The following ST6GALNAC3 variants were observed in gnomAD, a reference collection of about 807,000 sequenced individuals.
The protein encoded by ST6GALNAC3 is alpha-N-acetylgalactosaminide alpha-2,6-sialyltransferase 3.
Under a neutral mutation model 32.7 loss-of-function variants are expected in ST6GALNAC3, and 25 were observed. The observed-to-expected ratio is 0.76, with a 90% confidence interval of 0.56 to 1.07. ST6GALNAC3 has a LOEUF of 1.07. Among genes scored for constraint, ST6GALNAC3 ranks in the 50% least tolerant of loss-of-function variants. ST6GALNAC3 has a pLI of 0.00. For missense variants in ST6GALNAC3, 355 were observed against 382.4 expected, an observed-to-expected ratio of 0.93 and a Z score of 0.60; for synonymous variants, 129 against 133.1, an observed-to-expected ratio of 0.97 and a Z score of 0.21.
chr1:76,245,934 A>G (rs1394657373), intron 1 of ST6GALNAC3, among the ~76,000 whole-genome samples: 2 of 152,210 alleles, frequency 1.3e-5, no homozygotes, highest in African/African-American at 4.8e-5. Flanking sequence ...CACTTGCTCC[A>G]GAGCTGAGTT....
intron 3 of ST6GALNAC3, among the ~76,000 whole-genome samples, chr1:76,606,856 GTTT>G (rs545990475): frequency 5.2e-4 from 71 of 136,462 alleles, no homozygotes; most frequent in African/African-American, 1.9e-3. Flanking sequence ...AAATGTGTGG[GTTT>G]TTTTTTTTTT....
chr1:76,235,002 C>G (rs996257344), intron 1 of ST6GALNAC3, among the ~76,000 whole-genome samples: 4 of 152,186 alleles, frequency 2.6e-5, no homozygotes, highest in African/African-American at 9.6e-5. Context: ...TTCAGCTTCT[C>G]TACAGAGTCG....
intron 1 of ST6GALNAC3, among the ~76,000 whole-genome samples, chr1:76,157,984 G>A (rs1024814763): frequency 3.9e-5 from 6 of 152,144 alleles, no homozygotes; most frequent in African/African-American, 1.2e-4. Flanking sequence ...TGATGCTAGC[G>A]TCAACCCAAG....
chr1:76,566,229 A>G (rs1184083831), intron 3 of ST6GALNAC3, among the ~76,000 whole-genome samples: 1 of 152,182 alleles, frequency 6.6e-6, no homozygotes, highest in Non-Finnish European at 1.5e-5. Context: ...ATAGCTTTCA[A>G]AAGGAACTGA....
chr1:76,310,730 A>C (rs1332575622), intron 1 of ST6GALNAC3, among the ~76,000 whole-genome samples: 1 of 152,220 alleles, frequency 6.6e-6, no homozygotes, highest in Non-Finnish European at 1.5e-5. Context: ...GGTCTTTCAC[A>C]GAAAGTTATG....
chr1:76,518,115 CT>C (rs1298597007), intron 3 of ST6GALNAC3, among the ~76,000 whole-genome samples: 1 of 151,640 alleles, frequency 6.6e-6, no homozygotes, highest in Non-Finnish European at 1.5e-5. Flanking sequence ...CAACAGTGAA[CT>C]TGTTTATTTC....
At chr1:76,284,564 A>T (rs1659672086) in intron 1 of ST6GALNAC3, among the ~76,000 whole-genome samples, 1 of 152,210 alleles carries the variant, frequency 6.6e-6, no homozygotes, top group African/African-American at 2.4e-5. Flanking sequence ...AGTTTTGCTG[A>T]TAAAGAAGAA....
intron 3 of ST6GALNAC3, among the ~76,000 whole-genome samples, chr1:76,478,760 C>CTTTTTTTTT (rs397861238): frequency 1.3e-4 from 14 of 109,088 alleles, no homozygotes; most frequent in African/African-American, 1.5e-4. Flanking sequence ...TTTATTAATT[C>CTTTTTTTTT]TTTTTTTTTT....
rs144899255 is a variant in ST6GALNAC3 at position 76,447,986 on chromosome 1, C to T, written c.623+35569C>T. On this transcript the variant is annotated intron_variant, in intron 3 of 4. Coordinates refer to ENST00000328299, the MANE Select transcript of ST6GALNAC3 (RefSeq NM_152996.4). ...GCTGTGAGAAGAGCACCACCATCCT[C>T]CAGACCCCAGAATGGTAGATCCACC... 1.5e-3 allele frequency among the ~76,000 whole-genome samples: 234 copies of T among 152,242 alleles called. 2 individuals carry two copies. The highest frequency in any genetic ancestry group is 5.4e-3 in the African/African-American group (226 of 41,554).
intron 1 of ST6GALNAC3, among the ~76,000 whole-genome samples, chr1:76,290,647 C>G (rs1660031759): frequency 6.6e-6 from 1 of 152,134 alleles, no homozygotes; most frequent in Admixed American, 6.5e-5. Context: ...GAAGCCAGGT[C>G]TTTTTTGTTT....
rs1226721084 is a variant in ST6GALNAC3, at chr1:76,509,115, G to T, written c.623+96698G>T. Among the ~76,000 whole-genome samples the T allele has an allele frequency of 1.3e-5, 2 of 152,194 alleles. No individual in the cohort carries two copies. The highest frequency in any genetic ancestry group is 1.9e-4 in the East Asian group (1 of 5,200). On this transcript the variant is annotated intron_variant, in intron 3 of 4. Coordinates refer to ENST00000328299, the MANE Select transcript of ST6GALNAC3 (RefSeq NM_152996.4). This position sits in a 1 kb window ranked among gnomAD's most constrained non-coding sequence, Gnocchi z 5.5. ...TTATTCTGGAAACACCAACAGAGTT[G>T]TTCGTCAATTGTTGATGTAGTGTAA...
intron 2 of ST6GALNAC3, among the ~76,000 whole-genome samples, chr1:76,383,649 C>CA (rs1651886057): frequency 6.6e-6 from 1 of 151,900 alleles, no homozygotes; most frequent in African/African-American, 2.4e-5. Context: ...ATGAAAGAAG[C>CA]AATGAAGAGT....
intron 3 of ST6GALNAC3, among the ~76,000 whole-genome samples, chr1:76,583,173 G>A (rs1483567976): frequency 6.6e-6 from 1 of 152,182 alleles, no homozygotes; most frequent in Admixed American, 6.5e-5. Context: ...TTCTCAGCCA[G>A]TGAATACTCT....
chr1:76,307,107 G>A (rs909059770), intron 1 of ST6GALNAC3, among the ~76,000 whole-genome samples: 4 of 152,090 alleles, frequency 2.6e-5, no homozygotes, highest in African/African-American at 4.8e-5. Flanking sequence ...AGAAAGCAAC[G>A]TCTCTCAGTG....
At chr1:76,556,118 A>T (rs191011589) in intron 3 of ST6GALNAC3, among the ~76,000 whole-genome samples, 1 of 152,272 alleles carries the variant, frequency 6.6e-6, no homozygotes, top group African/African-American at 2.4e-5. Flanking sequence ...TACAAATGGA[A>T]TCATACAGTA....
chr1:76,166,053 T>C (rs1483213445), intron 1 of ST6GALNAC3, among the ~76,000 whole-genome samples: 1 of 152,230 alleles, frequency 6.6e-6, no homozygotes, highest in Non-Finnish European at 1.5e-5. Flanking sequence ...TTCTTGTAAT[T>C]GCTTTTGGTG....
intron 2 of ST6GALNAC3, among the ~76,000 whole-genome samples, chr1:76,338,046 C>T (rs1423564381): frequency 2.6e-5 from 4 of 152,156 alleles, no homozygotes; most frequent in Admixed American, 2.0e-4. Context: ...AGAAAGCCAA[C>T]AGCTGCCCTG....
chr1:76,211,329 CTGTT>C (rs1377054460), intron 1 of ST6GALNAC3, among the ~76,000 whole-genome samples: 1 of 152,196 alleles, frequency 6.6e-6, no homozygotes, highest in Admixed American at 6.5e-5. Context: ...TACTTTTACA[CTGTT>C]GGTGGGACTG....
chr1:76,142,795 G>A, intron 1 of ST6GALNAC3: 1 of 448,684 alleles, frequency 2.2e-6, no homozygotes, highest in Non-Finnish European at 4.5e-6. Context: ...GCTGGTAGAG[G>A]CCCCGCTTCC....
Sources: gnomAD v4.1 joint callset for allele counts (sites outside exome capture counted in the v4.1 genomes callset) on GRCh38, gnomAD v4.1.1 for gene constraint, Gnocchi (gnomAD v3.1) non-coding constraint, MANE v1.5 for transcripts, NCBI Gene and HGNC (gene_info 2026-07-23, HGNC 2026-07-21) for gene names.